The following MICAL3 variants were observed in gnomAD, a reference collection of about 807,000 sequenced individuals.
The protein encoded by MICAL3 is [F-actin]-monooxygenase MICAL3.
A neutral mutation model predicts 207.4 loss-of-function variants in MICAL3; 62 were observed. That is an observed-to-expected ratio of 0.30 (90% CI 0.24 to 0.37). MICAL3 has a LOEUF of 0.37. Ranked by LOEUF, MICAL3 falls within the 10% of genes least tolerant of loss-of-function variation. MICAL3 has a pLI of 1.00. For missense variants in MICAL3, 2,368 were observed against 2,635.6 expected (o/e 0.90, Z 2.22); for synonymous variants, 1,077 against 1,069.3 (o/e 1.01, Z -0.14).
At chr22:17,849,351 T>C (rs1602049032) in intron 19 of MICAL3, among the ~76,000 whole-genome samples, 1 of 152,196 alleles carries the variant, frequency 6.6e-6, no homozygotes, top group South Asian at 2.1e-4. Context: ...GAATTTGTTT[T>C]TGACACAGGG....
intron 1 of MICAL3, among the ~76,000 whole-genome samples, chr22:17,967,293 T>C (rs1368540984): frequency 2.0e-5 from 3 of 152,170 alleles, no homozygotes; most frequent in Non-Finnish European, 4.4e-5. Context: ...AAAAAGCTAC[T>C]AAGAATTCAA....
chr22:17,799,065 G>A (rs2061909570), intron 29 of MICAL3, among the ~76,000 whole-genome samples: 1 of 152,162 alleles, frequency 6.6e-6, no homozygotes, highest in African/African-American at 2.4e-5. Flanking sequence ...ACCTGTCATG[G>A]CTATGCCCAA....
Position 17,832,074 on chromosome 22 carries a change from C to T in MICAL3, c.2835G>A (p.Glu945=), listed in dbSNP as rs749116125. ...SSESEMEEEG[E]EEEEEPRLPP... ...GCAGGCGAGGCTCCTCCTCCTCCTC[C>T]TCTCCCTCCTCCTCCATCTCAGACT... The change falls in exon 21 of 32, where the codon GAG becomes GAA. Residue 945 remains glutamate (E), a synonymous_variant. Coordinates refer to ENST00000441493, the MANE Select transcript of MICAL3 (RefSeq NM_015241.3). 6.3e-7 allele frequency: 1 copy of T among 1,585,812 alleles called. No individual in the cohort carries two copies. The highest frequency in any genetic ancestry group is 1.3e-5 in the African/African-American group (1 of 74,366).
intron 21 of MICAL3, among the ~76,000 whole-genome samples, chr22:17,830,487 C>T (rs537741764): frequency 6.6e-6 from 1 of 152,344 alleles, no homozygotes; most frequent in East Asian, 1.9e-4. Context: ...GAAGCTGTGC[C>T]AGGGCTCAAA....
At chr22:17,896,508 G>A (rs1008385765) in intron 8 of MICAL3, 147 bp from the exon 9 acceptor site, 7 of 752,768 alleles carry the variant, frequency 9.3e-6, no homozygotes, top group Middle Eastern at 3.3e-4. Context: ...AGATTGGCAA[G>A]GAGTAAGTCA....
chr22:17,828,149 G>A (rs137864617), intron 21 of MICAL3, among the ~76,000 whole-genome samples: 308 of 152,322 alleles, frequency 2.0e-3, no homozygotes, highest in African/African-American at 6.9e-3. Context: ...GCCTGCTTCT[G>A]CAGGCCCAGC....
intron 1 of MICAL3, among the ~76,000 whole-genome samples, chr22:17,950,343 T>G (rs58876832): frequency 0.04 from 4,866 of 122,170 alleles, 248 homozygotes; most frequent in African/African-American, 0.16. Flanking sequence ...TTTTGTTTTT[T>G]TTTTTTTTTT....
intron 1 of MICAL3, among the ~76,000 whole-genome samples, chr22:17,930,071 G>A (rs956213085): frequency 2.0e-5 from 3 of 152,222 alleles, no homozygotes; most frequent in African/African-American, 7.2e-5. Flanking sequence ...GTGAACAGGT[G>A]TTTAACATAT....
intron 19 of MICAL3, among the ~76,000 whole-genome samples, chr22:17,857,112 T>C (rs1317967664): frequency 6.6e-6 from 1 of 152,220 alleles, no homozygotes; most frequent in South Asian, 2.1e-4. Context: ...GTCACCAGGT[T>C]GTACTTTGTC....
chr22:18,000,858 G>C (rs1922894072), intron 1 of MICAL3, among the ~76,000 whole-genome samples: 1 of 152,224 alleles, frequency 6.6e-6, no homozygotes, highest in Non-Finnish European at 1.5e-5. Flanking sequence ...CCGGGGCAGC[G>C]GGACGGGGAG....
chr22:17,900,948 T>C lies in MICAL3; in HGVS notation c.741A>G (p.Ala247=), dbSNP rs778651051. 3.1e-6 allele frequency: 5 copies of C among 1,613,946 alleles called. No individual in the cohort carries two copies. Among genetic ancestry groups the C allele is most frequent in the Non-Finnish European group, 4.2e-6 (5 of 1,179,898 alleles). The part of the protein sequence containing the change: ...FRGKLAIAIT[A]NFINRNTTAE... ...CTGTTGTATTTCGGTTGATAAAATT[T>C]GCCGTGATGGCGATGGCCAGTTTGC... Residue 247 remains alanine (A), a synonymous_variant, in exon 6 of 32, where the codon GCA becomes GCG. Coordinates refer to ENST00000441493, the MANE Select transcript of MICAL3 (RefSeq NM_015241.3). The surrounding 1 kb of genome is among the most constrained non-coding windows in gnomAD (Gnocchi z 4.0).
intron 1 of MICAL3, among the ~76,000 whole-genome samples, chr22:17,914,431 T>TTGCAGATGGGGAAAG (rs58645336): frequency 0.34 from 51,251 of 151,650 alleles, 8,902 homozygotes; most frequent in East Asian, 0.55. Flanking sequence ...GACCTCCATT[T>TTGCAGATGGGGAAAG]TGCAGATGGG....
At chr22:17,794,953 G>T (rs553095468) in intron 29 of MICAL3, among the ~76,000 whole-genome samples, 2 of 152,304 alleles carry the variant, frequency 1.3e-5, no homozygotes, top group South Asian at 4.1e-4. Flanking sequence ...GAGAGAACAG[G>T]GTTGAAGAAA....
chr22:17,871,735 C>T (rs1927746095), intron 17 of MICAL3, 102 bp downstream of exon 17: 4 of 1,047,510 alleles, frequency 3.8e-6, no homozygotes, highest in Non-Finnish European at 5.5e-6. Context: ...GGAAAAGACG[C>T]ACATGGAATA....
chr22:17,905,668 T>C (rs1164602248), intron 2 of MICAL3, among the ~76,000 whole-genome samples: 3 of 152,228 alleles, frequency 2.0e-5, no homozygotes, highest in Non-Finnish European at 4.4e-5. Flanking sequence ...GAACATAACG[T>C]AGCCATGAAG....
intron 21 of MICAL3, among the ~76,000 whole-genome samples, chr22:17,829,183 T>G (rs1312747335): frequency 7.3e-6 from 1 of 137,814 alleles, no homozygotes; most frequent in East Asian, 2.0e-4. Context: ...TTTTTTTTTT[T>G]GAGACGAAGT....
At chr22:17,862,778 C>A (rs1428163964) in intron 19 of MICAL3, 1 of 985,456 alleles carries the variant, frequency 1.0e-6, no homozygotes, top group Non-Finnish European at 1.2e-6. Context: ...AGCTGCCGGA[C>A]TAAGATGTTC....
At chr22:17,826,840 A>G (rs1922244484) in intron 22 of MICAL3, among the ~76,000 whole-genome samples, 1 of 152,194 alleles carries the variant, frequency 6.6e-6, no homozygotes, top group South Asian at 2.1e-4. Flanking sequence ...GGTCTTGCCT[A>G]CAAGTGAAGA....
intron 21 of MICAL3, among the ~76,000 whole-genome samples, chr22:17,831,011 G>A (rs895792702): frequency 3.9e-5 from 6 of 152,228 alleles, no homozygotes; most frequent in African/African-American, 1.4e-4. Context: ...GAGAAGCAGA[G>A]ATGAGCACAG....
Sources: gnomAD v4.1 joint callset for allele counts (sites outside exome capture counted in the v4.1 genomes callset) on GRCh38, gnomAD v4.1.1 for gene constraint, Gnocchi (gnomAD v3.1) non-coding constraint, MANE v1.5 for transcripts, NCBI Gene and HGNC (gene_info 2026-07-23, HGNC 2026-07-21) for gene names.